Variants in HMGCLL1 observed in about 807,000 individuals in gnomAD.
The protein encoded by HMGCLL1 is 3-hydroxy-3-methylglutaryl-CoA lyase like 1.
Under a neutral mutation model 39.1 loss-of-function variants are expected in HMGCLL1, and 36 were observed. The ratio of observed to expected loss-of-function variants is 0.92; its 90% CI spans 0.71 to 1.22. The LOEUF is 1.22. Ranked by LOEUF, HMGCLL1 falls within the 50% of genes most tolerant of loss-of-function variation. HMGCLL1 has a pLI of 0.00. For synonymous variants in HMGCLL1, 149 were observed against 144.0 expected (o/e 1.03, Z -0.25); for missense variants, 451 against 416.5 (o/e 1.08, Z -0.72).
the HMGCLL1 span, among the ~76,000 whole-genome samples, chr6:55,596,977 G>T: frequency 6.6e-6 from 1 of 151,940 alleles, no homozygotes; most frequent in Non-Finnish European, 1.5e-5. Context: ...CCATGTAAAT[G>T]AAAAATATAT....
chr6:55,573,188 C>G (rs1402963319), intron 1 of HMGCLL1, among the ~76,000 whole-genome samples: 1 of 152,152 alleles, frequency 6.6e-6, no homozygotes, highest in Non-Finnish European at 1.5e-5. Context: ...AACCTCATAT[C>G]AGGTAAGCAC....
At chr6:55,626,959 A>C in the HMGCLL1 span, among the ~76,000 whole-genome samples, 1 of 150,078 alleles carries the variant, frequency 6.7e-6, no homozygotes, top group Admixed American at 6.7e-5. Flanking sequence ...CCCTGTGATT[A>C]AGGTCAATGG....
the HMGCLL1 span, among the ~76,000 whole-genome samples, chr6:55,623,021 C>A: frequency 6.6e-6 from 1 of 151,848 alleles, no homozygotes; most frequent in Non-Finnish European, 1.5e-5. Flanking sequence ...TTGTATACTT[C>A]TTCTAGGATT....
chr6:55,658,848 G>T, the HMGCLL1 span, among the ~76,000 whole-genome samples: 1 of 151,840 alleles, frequency 6.6e-6, no homozygotes, highest in African/African-American at 2.4e-5. Context: ...AACTTTGTAG[G>T]TACTATAAAG....
intron 7 of HMGCLL1, among the ~76,000 whole-genome samples, chr6:55,457,331 T>G (rs1447086030): frequency 1.3e-5 from 2 of 152,180 alleles, no homozygotes; most frequent in African/African-American, 4.8e-5. Flanking sequence ...CCTGCAGAGA[T>G]AGCTTCCTTG....
chr6:55,668,405 C>T, the HMGCLL1 span, among the ~76,000 whole-genome samples: 132 of 151,960 alleles, frequency 8.7e-4, no homozygotes, highest in African/African-American at 3.1e-3. Flanking sequence ...CCAGAGTCAG[C>T]TTCTATTGCT....
At chr6:55,456,428 G>A (rs1218953540) in intron 7 of HMGCLL1, among the ~76,000 whole-genome samples, 1 of 152,152 alleles carries the variant, frequency 6.6e-6, no homozygotes, top group Non-Finnish European at 1.5e-5. Flanking sequence ...ACATAAACAT[G>A]GGGTATGCAG....
chr6:55,495,596 T>A lies in HMGCLL1; in HGVS notation c.618A>T (p.Arg206Ser), dbSNP rs371052536. ...TPQKVTEVSK[R>S]LYGMGCYEIS... ...TCTCATAACAACCCATGCCGTACAA[T>A]CTCTTAGACACCTGTTGATAAAGGT... Residue 206 changes from arginine to serine, a missense_variant, in exon 7 of 9, where the codon AGA becomes AGT. Physicochemically the swap from Arg to Ser is moderately radical, Grantham distance 110. Coordinates refer to ENST00000274901, the MANE Select transcript of HMGCLL1 (RefSeq NM_001042406.2). 8.4e-5 allele frequency: 135 copies of A among 1,604,242 alleles called. No individual in the cohort carries two copies. The highest frequency in any genetic ancestry group is 1.1e-4 in the Non-Finnish European group (129 of 1,175,374).
the HMGCLL1 span, among the ~76,000 whole-genome samples, chr6:55,633,486 C>A: frequency 6.6e-6 from 1 of 150,706 alleles, no homozygotes; most frequent in Non-Finnish European, 1.5e-5. Flanking sequence ...ATAAAAAAAA[C>A]AATCTAATTC....
the HMGCLL1 span, among the ~76,000 whole-genome samples, chr6:55,668,376 A>G: frequency 6.6e-6 from 1 of 151,904 alleles, no homozygotes; most frequent in African/African-American, 2.4e-5. Flanking sequence ...ACCTTTTAAA[A>G]GCTTTTCTTC....
chr6:55,518,576 A>G (rs1006604863), intron 3 of HMGCLL1, among the ~76,000 whole-genome samples: 13 of 152,176 alleles, frequency 8.5e-5, no homozygotes, highest in Non-Finnish European at 1.6e-4. Context: ...GTTACAAAAA[A>G]GGATACAGCT....
intron 7 of HMGCLL1, among the ~76,000 whole-genome samples, chr6:55,449,920 A>AT (rs5876449): frequency 9.2e-4 from 139 of 150,590 alleles, no homozygotes; most frequent in Middle Eastern, 6.8e-3. Flanking sequence ...TATTGCTACT[A>AT]TTTTTTTTTT....
chr6:55,658,365 C>T, the HMGCLL1 span, among the ~76,000 whole-genome samples: 1 of 151,938 alleles, frequency 6.6e-6, no homozygotes, highest in African/African-American at 2.4e-5. Flanking sequence ...AAAATATCAT[C>T]TCTGATCCTA....
At chr6:55,621,279 T>A in the HMGCLL1 span, among the ~76,000 whole-genome samples, 1 of 152,140 alleles carries the variant, frequency 6.6e-6, no homozygotes, top group African/African-American at 2.4e-5. Context: ...TCATTTTTGG[T>A]ATTCTTTTCA....
chr6:55,624,872 T>A, the HMGCLL1 span, among the ~76,000 whole-genome samples: 2 of 152,032 alleles, frequency 1.3e-5, no homozygotes, highest in African/African-American at 4.8e-5. Flanking sequence ...ACCTTCCTGA[T>A]TTGGATGTGT....
intron 7 of HMGCLL1, among the ~76,000 whole-genome samples, chr6:55,463,894 A>G (rs1466216409): frequency 6.6e-6 from 1 of 152,210 alleles, no homozygotes; most frequent in Non-Finnish European, 1.5e-5. Flanking sequence ...CTTTGTATGC[A>G]CAGAATCATA....
At chr6:55,601,334 C>T in the HMGCLL1 span, among the ~76,000 whole-genome samples, 10 of 152,236 alleles carry the variant, frequency 6.6e-5, no homozygotes, top group East Asian at 1.9e-3. Flanking sequence ...TGACAGCTAA[C>T]TGGTGACTGC....
At chr6:55,659,315 G>A in the HMGCLL1 span, among the ~76,000 whole-genome samples, 13 of 151,742 alleles carry the variant, frequency 8.6e-5, no homozygotes, top group South Asian at 2.1e-4. Context: ...TATATAACAC[G>A]GGCCCTAACT....
chr6:55,514,224 T>G (rs1220954838), intron 4 of HMGCLL1, 28 bp from the exon 5 acceptor site: 2 of 1,556,020 alleles, frequency 1.3e-6, no homozygotes, highest in Non-Finnish European at 1.7e-6. Flanking sequence ...TAAAGCCAAA[T>G]CTAATAACTT....
Sources: allele counts gnomAD v4.1 joint callset (sites outside exome capture counted in the v4.1 genomes callset), GRCh38; gene constraint gnomAD v4.1.1; transcripts MANE v1.5; gene names NCBI Gene and HGNC (gene_info 2026-07-23, HGNC 2026-07-21).